STAU2: variants seen among roughly 807,000 people sequenced by gnomAD.
STAU2 encodes the protein double-stranded RNA-binding protein Staufen homolog 2.
A neutral mutation model predicts 65.9 loss-of-function variants in STAU2; 20 were observed. The observed-to-expected ratio is 0.30, with a 90% CI of 0.21 to 0.44. The LOEUF (loss-of-function observed/expected upper bound fraction) is 0.44, where lower values mean the gene tolerates loss of function less well. STAU2 is among the 20% of genes least tolerant of loss of function. The pLI is 1.00. For synonymous variants in STAU2, 232 were observed against 233.9 expected (o/e 0.99, Z 0.07); for missense variants, 558 against 683.9 (o/e 0.82, Z 2.05).
chr8:73,643,173 C>G (rs1815122378), intron 6 of STAU2, among the ~76,000 whole-genome samples: 1 of 152,168 alleles, frequency 6.6e-6, no homozygotes, highest in Non-Finnish European at 1.5e-5. Flanking sequence ...TATCCACTGG[C>G]AAAAGCAAGA....
chr8:73,593,813 C>T (rs999284731), intron 11 of STAU2, among the ~76,000 whole-genome samples: 2 of 151,970 alleles, frequency 1.3e-5, no homozygotes, highest in African/African-American at 4.8e-5. Context: ...TCAGATTTTA[C>T]ACTAGCCAAG....
rs60643922 is a variant in STAU2, at chr8:73,446,367, G to A, written c.1531-23665C>T. Among the ~76,000 whole-genome samples, 835 of 152,304 alleles carry A rather than the reference G, an allele frequency of 5.5e-3. 11 individuals are homozygous for A. The highest frequency in any genetic ancestry group is 0.019 in the African/African-American group (803 of 41,566). On this transcript the variant is annotated intron_variant, in intron 13 of 14. Transcript: ENST00000524300. ...AGAATAGCTTTGTATCTCGATCGCT[G>A]AGTGGTTGCACAAATCTTACACACG...
chr8:73,696,175 T>A (rs1267232245), intron 4 of STAU2, among the ~76,000 whole-genome samples: 1 of 152,248 alleles, frequency 6.6e-6, no homozygotes, highest in East Asian at 1.9e-4. Context: ...CTGCCAAGGC[T>A]GTACCTCTAA....
intron 13 of STAU2, among the ~76,000 whole-genome samples, chr8:73,453,503 T>C (rs190287314): frequency 1.1e-3 from 168 of 152,292 alleles, no homozygotes; most frequent in African/African-American, 3.7e-3. Context: ...AATGTGCAAA[T>C]AGATTCAGCA....
intron 13 of STAU2, among the ~76,000 whole-genome samples, chr8:73,431,976 T>C (rs968350637): frequency 6.6e-6 from 1 of 152,262 alleles, no homozygotes; most frequent in African/African-American, 2.4e-5. Flanking sequence ...CTTATCCCCT[T>C]GTGACACGTA....
At chr8:73,487,955 T>G (rs771530990) in intron 13 of STAU2, among the ~76,000 whole-genome samples, 2 of 152,092 alleles carry the variant, frequency 1.3e-5, no homozygotes, top group South Asian at 2.1e-4. Flanking sequence ...TTCTTACATA[T>G]ATTCTTTGGG....
At chr8:73,693,470 G>A (rs1422289384) in intron 4 of STAU2, among the ~76,000 whole-genome samples, 4 of 127,988 alleles carry the variant, frequency 3.1e-5, no homozygotes, top group African/African-American at 8.9e-5. Context: ...GTGAGACTCC[G>A]TCTCAAAAAA....
chr8:73,733,059 C>T (rs1185724181), intron 3 of STAU2, among the ~76,000 whole-genome samples: 1 of 146,592 alleles, frequency 6.8e-6, no homozygotes, highest in Non-Finnish European at 1.5e-5. Context: ...TTTTTAATAA[C>T]ACCTGGCTCC....
intron 13 of STAU2, among the ~76,000 whole-genome samples, chr8:73,536,180 G>C (rs1331498848): frequency 6.6e-6 from 1 of 152,094 alleles, no homozygotes; most frequent in Non-Finnish European, 1.5e-5. Context: ...TATAAAATAA[G>C]CATAATTCCA....
chr8:73,714,298 A>G (rs973851200), intron 3 of STAU2, among the ~76,000 whole-genome samples: 2 of 152,228 alleles, frequency 1.3e-5, no homozygotes, highest in African/African-American at 4.8e-5. Context: ...AATAAGAAAG[A>G]AAAAAGTCAA....
chr8:73,634,563 G>A (rs1814354160), intron 6 of STAU2, among the ~76,000 whole-genome samples: 1 of 152,190 alleles, frequency 6.6e-6, no homozygotes, highest in Non-Finnish European at 1.5e-5. Context: ...CATTGGTTTT[G>A]CATTTCATTC....
intron 3 of STAU2, among the ~76,000 whole-genome samples, chr8:73,710,807 A>G (rs1265154481): frequency 6.6e-6 from 1 of 152,088 alleles, no homozygotes; most frequent in East Asian, 1.9e-4. Flanking sequence ...TTTAAACTAT[A>G]GTCACAATAA....
intron 3 of STAU2, among the ~76,000 whole-genome samples, chr8:73,729,915 T>C (rs1000028659): frequency 2.0e-5 from 3 of 152,220 alleles, no homozygotes; most frequent in African/African-American, 7.2e-5. Context: ...TATACCTATC[T>C]GTGTTTTTTC....
At chr8:73,519,266 T>C (rs1186591034) in intron 13 of STAU2, among the ~76,000 whole-genome samples, 2 of 152,164 alleles carry the variant, frequency 1.3e-5, no homozygotes, top group Admixed American at 6.6e-5. Context: ...TCTGTTATTA[T>C]GCAATGTCAC....
At chr8:73,676,215 A>G (rs1026700340) in intron 5 of STAU2, among the ~76,000 whole-genome samples, 1 of 151,716 alleles carries the variant, frequency 6.6e-6, no homozygotes, top group Non-Finnish European at 1.5e-5. Flanking sequence ...TGGAGTCAAG[A>G]CTGGATCTTT....
intron 11 of STAU2, among the ~76,000 whole-genome samples, chr8:73,585,861 G>A (rs1016373215): frequency 2.0e-5 from 3 of 152,192 alleles, no homozygotes; most frequent in African/African-American, 7.2e-5. Flanking sequence ...TCAAGTGGGT[G>A]GTTCCCTCAT....
At chr8:73,687,965 C>T (rs1435135078) in intron 5 of STAU2, among the ~76,000 whole-genome samples, 2 of 150,828 alleles carry the variant, frequency 1.3e-5, no homozygotes, top group East Asian at 2.0e-4. Context: ...CCACCTGCCT[C>T]GGCCTCCCAA....
chr8:73,739,901 T>C (rs1422613541), intron 1 of STAU2, 33 bp from the exon 2 acceptor site: 3 of 785,670 alleles, frequency 3.8e-6, no homozygotes, highest in South Asian at 3.1e-5. Context: ...AATAATGAGA[T>C]ACCACTTCCA....
At chr8:73,480,169 C>T (rs564885285) in intron 13 of STAU2, among the ~76,000 whole-genome samples, 1 of 152,224 alleles carries the variant, frequency 6.6e-6, no homozygotes, top group African/African-American at 2.4e-5. Context: ...GTCTTCTATC[C>T]CACTGCCCTT....
Sources: allele counts gnomAD v4.1 joint callset (sites outside exome capture counted in the v4.1 genomes callset), GRCh38; gene constraint gnomAD v4.1.1; transcripts MANE v1.5; gene names NCBI Gene and HGNC (gene_info 2026-07-23, HGNC 2026-07-21).